Variants in RSPO2 observed in about 807,000 individuals in gnomAD.
The protein encoded by RSPO2 is R-spondin-2.
In RSPO2, 14 loss-of-function variants were observed where a neutral mutation model predicts 30.9. The observed-to-expected ratio is 0.45, with a 90% CI of 0.30 to 0.71. The LOEUF (loss-of-function observed/expected upper bound fraction) is 0.71. Ranked by LOEUF, RSPO2 falls within the 30% of genes least tolerant of loss-of-function variation. The pLI, the probability that RSPO2 is intolerant of heterozygous loss-of-function variation, is 0.08. For missense variants in RSPO2, 264 were observed against 301.9 expected, an observed-to-expected ratio of 0.87 and a Z score of 0.93; for synonymous variants, 107 against 96.4, an observed-to-expected ratio of 1.11 and a Z score of -0.64.
At chr8:108,058,960 A>T (rs2130698132) in intron 2 of RSPO2, among the ~76,000 whole-genome samples, 1 of 151,844 alleles carries the variant, frequency 6.6e-6, no homozygotes, top group African/African-American at 2.4e-5. Context: ...TGTCTAAAAC[A>T]CCAAAAGCAA....
rs141965875 is a variant in RSPO2, at chr8:107,953,138, G to A, written c.616+4942C>T. ...TTTAAGAGTCCGATAGTTGAAATGT[G>A]TCAGAAGGAAAAAAACATGCCAGGC... On this transcript the variant is annotated intron_variant, in intron 5 of 5. Coordinates refer to ENST00000276659, the MANE Select transcript of RSPO2 (RefSeq NM_178565.5). 3.4e-3 allele frequency among the ~76,000 whole-genome samples: 516 copies of A among 152,290 alleles called. 20 individuals carry two copies. In the South Asian group the frequency reaches 0.082, roughly 24 times the overall value.
intron 2 of RSPO2, among the ~76,000 whole-genome samples, chr8:108,043,161 T>A (rs1004732273): frequency 1.3e-5 from 2 of 152,180 alleles, no homozygotes; most frequent in Non-Finnish European, 2.9e-5. Flanking sequence ...AGAGCAATTA[T>A]GGAACAGCAA....
chr8:107,989,120 C>T lies in RSPO2; in HGVS notation c.219G>A (p.Glu73=). 6.2e-7 allele frequency: 1 copy of T among 1,611,618 alleles called. No individual in the cohort carries two copies. The highest frequency in any genetic ancestry group is 8.5e-7 in the Non-Finnish European group (1 of 1,179,508). ...ACCCGGATGGGCAGGAATGCAGGCA[C>T]TCTCCATACTGGCGCATCCCTTCTC... ...LRREGMRQYG[E]CLHSCPSGYY... is the part of the protein sequence containing the mutation. The change falls in exon 3 of 6, where the codon GAG becomes GAA. Residue 73 remains glutamate (E), a synonymous_variant. Transcript: ENST00000276659.
At chr8:108,067,889 A>G (rs1403777745) in intron 2 of RSPO2, among the ~76,000 whole-genome samples, 1 of 152,006 alleles carries the variant, frequency 6.6e-6, no homozygotes, top group Non-Finnish European at 1.5e-5. Flanking sequence ...GGAGTTTGAG[A>G]CCAGCCCTGT....
intron 5 of RSPO2, among the ~76,000 whole-genome samples, chr8:107,957,071 G>A (rs1813455979): frequency 6.6e-6 from 1 of 152,144 alleles, no homozygotes; most frequent in South Asian, 2.1e-4. Flanking sequence ...GAGTCTTCGA[G>A]TCTTAAAAGT....
At chr8:108,038,086 T>C (rs1050463964) in intron 2 of RSPO2, among the ~76,000 whole-genome samples, 1 of 152,146 alleles carries the variant, frequency 6.6e-6, no homozygotes, top group African/African-American at 2.4e-5. Flanking sequence ...GAAAAGTAAA[T>C]TGAAAACCTC....
Position 108,030,120 on chromosome 8 carries a change from A to G in RSPO2, c.95-40876T>C, listed in dbSNP as rs901304437. Among the ~76,000 whole-genome samples the G allele has an allele frequency of 3.0e-4, 11 of 36,678 alleles. No individual in the cohort carries two copies. In the African/African-American group the frequency reaches 3.3e-3, roughly 11 times the overall value. 24.1% of individuals were successfully genotyped at this position (36,678 alleles called of 152,430 possible). A position where few individuals can be genotyped will look rare whatever the true frequency, so the allele number is the denominator to read the frequency against. On this transcript the variant is annotated intron_variant, in intron 2 of 5. Coordinates refer to ENST00000276659, the MANE Select transcript of RSPO2 (RefSeq NM_178565.5). ...AAAGTAGGGTCCTGGGATAGATAGG[A>G]AAAAAAAAAAAAAAAAAAAAAAAGC...
rs763943074 is a variant in RSPO2, at chr8:108,000,992, C to T, written c.95-11748G>A. ...ACTCCAGCCTGGGTGACAAGAGCGA[C>T]ACTCTGTCTTAAAAAAATAAAAATA... is the stretch of plus-strand genomic sequence containing the variant. On this transcript the variant is annotated intron_variant, in intron 2 of 5. Transcript: ENST00000276659. Among the ~76,000 whole-genome samples the T allele has an allele frequency of 1.5e-4, 22 of 147,092 alleles. 1 individual carries two copies. The highest frequency in any genetic ancestry group is 3.1e-4 in the Non-Finnish European group (21 of 67,226).
At chr8:108,050,053 A>G (rs1812030312) in intron 2 of RSPO2, among the ~76,000 whole-genome samples, 1 of 152,144 alleles carries the variant, frequency 6.6e-6, no homozygotes, top group African/African-American at 2.4e-5. Context: ...AATTCTCTCT[A>G]TTATGTATAT....
chr8:107,961,034 A>C (rs1266791093), intron 3 of RSPO2, among the ~76,000 whole-genome samples: 1 of 152,182 alleles, frequency 6.6e-6, no homozygotes, highest in Middle Eastern at 3.2e-3. Flanking sequence ...AGAGAATGCC[A>C]GCCCAGGGTC....
At chr8:107,943,528 G>A (rs748481603) in intron 5 of RSPO2, among the ~76,000 whole-genome samples, 8 of 152,174 alleles carry the variant, frequency 5.3e-5, no homozygotes, top group African/African-American at 1.2e-4. Context: ...ACGTGCCATC[G>A]CCTGGTGGAG....
At chr8:108,068,682 G>T (rs2130719956) in intron 2 of RSPO2, among the ~76,000 whole-genome samples, 1 of 152,262 alleles carries the variant, frequency 6.6e-6, no homozygotes, top group Non-Finnish European at 1.5e-5. Context: ...TAATCTAATA[G>T]AACTGGTTTT....
At chr8:107,965,840 G>T (rs1813785218) in intron 3 of RSPO2, among the ~76,000 whole-genome samples, 1 of 152,184 alleles carries the variant, frequency 6.6e-6, no homozygotes, top group South Asian at 2.1e-4. Context: ...GTAAAGAACT[G>T]CAAATCATAT....
chr8:108,058,462 A>G (rs1408697897), intron 2 of RSPO2, among the ~76,000 whole-genome samples: 1 of 152,176 alleles, frequency 6.6e-6, no homozygotes, highest in Non-Finnish European at 1.5e-5. Flanking sequence ...CCATCAAGCT[A>G]CCAATGACTT....
chr8:107,999,595 C>T (rs1422205207), intron 2 of RSPO2, among the ~76,000 whole-genome samples: 1 of 152,074 alleles, frequency 6.6e-6, no homozygotes, highest in African/African-American at 2.4e-5. Flanking sequence ...CCACCACACC[C>T]AGCTAATTTT....
chr8:108,005,724 G>A (rs1279984669), intron 2 of RSPO2, among the ~76,000 whole-genome samples: 2 of 152,164 alleles, frequency 1.3e-5, no homozygotes, highest in African/African-American at 4.8e-5. Flanking sequence ...TAGAGAAGGA[G>A]GAGATGCAAT....
At chr8:107,971,902 T>C (rs1814012111) in intron 3 of RSPO2, among the ~76,000 whole-genome samples, 1 of 152,200 alleles carries the variant, frequency 6.6e-6, no homozygotes, top group African/African-American at 2.4e-5. Context: ...CTCAGTTATA[T>C]GTGTGAAGTT....
At position 107,989,022 on chromosome 8, in the gene RSPO2, C is replaced by T. The variant is rs758864841; in HGVS notation, c.283+34G>A. 12 of 1,536,032 alleles carry T rather than the reference C, an allele frequency of 7.8e-6. 1 individual carries two copies. Among genetic ancestry groups the T allele is most frequent in the Non-Finnish European group, 1.0e-5 (12 of 1,147,240 alleles). On this transcript the variant is annotated intron_variant, in intron 3 of 5. Transcript: ENST00000276659. ...TAGCTCCTCTCCTAAGTTGCATATC[C>T]AGCAATACAGGATAGACAAAACCAA...
intron 5 of RSPO2, among the ~76,000 whole-genome samples, chr8:107,942,910 G>A (rs574000334): frequency 9.8e-4 from 149 of 152,252 alleles, no homozygotes; most frequent in Middle Eastern, 6.8e-3. Context: ...CTCCAGTAGC[G>A]GACAAATGCA....
Sources: allele counts gnomAD v4.1 joint callset (sites outside exome capture counted in the v4.1 genomes callset), GRCh38; gene constraint gnomAD v4.1.1; transcripts MANE v1.5; gene names NCBI Gene and HGNC (gene_info 2026-07-23, HGNC 2026-07-21).